The following MTMR3 variants were observed in gnomAD, a reference collection of about 807,000 sequenced individuals.
MTMR3 encodes the protein phosphatidylinositol-3,5-bisphosphate 3-phosphatase MTMR3.
In MTMR3, 32 loss-of-function variants were observed where a neutral mutation model predicts 132.4. The observed-to-expected ratio is 0.24, with a 90% CI of 0.18 to 0.32. The LOEUF (loss-of-function observed/expected upper bound fraction) is 0.32. MTMR3 is among the 10% of genes least tolerant of loss of function. The probability of loss-of-function intolerance (pLI) is 1.00; values close to 1 mark genes in which losing one functional copy is unlikely to be tolerated. For synonymous variants in MTMR3, 556 were observed against 550.3 expected (o/e 1.01, Z -0.14); for missense variants, 1,216 against 1,489.6 (o/e 0.82, Z 3.02).
chr22:29,914,228 A>T (rs1322983287), intron 1 of MTMR3, among the ~76,000 whole-genome samples: 1 of 152,224 alleles, frequency 6.6e-6, no homozygotes, highest in Non-Finnish European at 1.5e-5. Context: ...CTGGCAATGC[A>T]TGAGAATTCC....
At chr22:29,986,642 C>A (rs2066863005) in intron 5 of MTMR3, 9 of 935,118 alleles carry the variant, frequency 9.6e-6, no homozygotes, top group Non-Finnish European at 1.1e-5. Flanking sequence ...AGAACACAGG[C>A]AAGATTTTTC....
intron 1 of MTMR3, among the ~76,000 whole-genome samples, chr22:29,913,563 T>TA (rs1489922793): frequency 6.6e-6 from 1 of 152,210 alleles, no homozygotes; most frequent in African/African-American, 2.4e-5. Flanking sequence ...AATGAAATCA[T>TA]ACAGGATATA....
chr22:29,988,622 G>A (rs2066902254), intron 6 of MTMR3, 60 bp downstream of exon 6: 2 of 1,297,294 alleles, frequency 1.5e-6, no homozygotes, highest in African/African-American at 3.0e-5. Context: ...TTAAAGAATG[G>A]GTCCATTATT....
intron 2 of MTMR3, among the ~76,000 whole-genome samples, chr22:29,960,107 A>C (rs151050012): frequency 9.9e-5 from 15 of 152,208 alleles, no homozygotes; most frequent in Non-Finnish European, 1.5e-4. Context: ...TTTGAAGAGA[A>C]AGATGTAAAT....
intron 1 of MTMR3, among the ~76,000 whole-genome samples, chr22:29,886,872 G>A (rs2064687954): frequency 6.6e-6 from 1 of 152,148 alleles, no homozygotes; most frequent in South Asian, 2.1e-4. Flanking sequence ...CTTGAGAATG[G>A]TTTGGGGGGA....
At chr22:29,888,139 C>A (rs1268930254) in intron 1 of MTMR3, among the ~76,000 whole-genome samples, 1 of 151,706 alleles carries the variant, frequency 6.6e-6, no homozygotes, top group Non-Finnish European at 1.5e-5. Flanking sequence ...ACTTTTGTTT[C>A]TTTTTAAAAG....
intron 1 of MTMR3, among the ~76,000 whole-genome samples, chr22:29,941,146 G>A (rs2065850094): frequency 7.1e-6 from 1 of 140,062 alleles, no homozygotes; most frequent in Admixed American, 6.8e-5. Context: ...TGAACTTCAT[G>A]TAAATGGAAT....
At chr22:29,954,567 C>G (rs528403980) in intron 1 of MTMR3, among the ~76,000 whole-genome samples, 2 of 152,210 alleles carry the variant, frequency 1.3e-5, no homozygotes, top group South Asian at 4.1e-4. Context: ...TTGAATCTCT[C>G]GTTTGGTCCA....
chr22:30,009,123 C>T lies in MTMR3; in HGVS notation c.1115C>T (p.Pro372Leu), dbSNP rs144254961. 42 of 1,601,622 alleles carry T rather than the reference C, an allele frequency of 2.6e-5. No individual in the cohort carries two copies. Among genetic ancestry groups the T allele is most frequent in the Admixed American group, 6.7e-5 (4 of 59,970 alleles). Residue 372 changes from proline to leucine, a missense_variant, in exon 12 of 20, where the codon CCG (proline) becomes CTG (leucine). By Grantham distance (98) the Pro-to-Leu change is moderately conservative. This residue lies in a region of MTMR3 where 106 missense variants were observed against 209.5 expected (regional missense o/e 0.51). Transcript: ENST00000401950. ...LRLLCTQMPD[P>L]GNWLSALEST... ...TTGCTGTGCACTCAGATGCCAGATC[C>T]GGGAAAGTAAGTCCTTGGCCTTGGC...
At chr22:29,946,051 GT>G (rs1443825841) in intron 1 of MTMR3, among the ~76,000 whole-genome samples, 2 of 147,338 alleles carry the variant, frequency 1.4e-5, no homozygotes, top group African/African-American at 5.2e-5. Context: ...GGTAATCAAG[GT>G]ATAATTAAAT....
intron 2 of MTMR3, among the ~76,000 whole-genome samples, chr22:29,969,652 TC>T (rs1000498655): frequency 1.6e-4 from 25 of 152,066 alleles, no homozygotes; most frequent in African/African-American, 5.8e-4. Flanking sequence ...TGTCTTAGCC[TC>T]CCGAGTAGCT....
chr22:29,886,054 C>T (rs117175565), intron 1 of MTMR3, among the ~76,000 whole-genome samples: 3,696 of 152,232 alleles, frequency 0.024, 61 homozygotes, highest in Non-Finnish European at 0.032. Context: ...CCTGGTGTCC[C>T]CAGTATCCAG....
intron 5 of MTMR3, chr22:29,982,799 G>A (rs1050928152): frequency 2.0e-5 from 3 of 152,184 alleles, no homozygotes; most frequent in East Asian, 1.9e-4. Context: ...TAGAGTTTAT[G>A]TGTAGCATTT....
chr22:30,003,784 T>G (rs1165390067), intron 9 of MTMR3: 2 of 152,216 alleles, frequency 1.3e-5, no homozygotes, highest in African/African-American at 2.4e-5. Flanking sequence ...TCATTGAATA[T>G]CTTAGTTCTC....
At chr22:29,945,941 C>A (rs935109422) in intron 1 of MTMR3, among the ~76,000 whole-genome samples, 1 of 151,790 alleles carries the variant, frequency 6.6e-6, no homozygotes, top group African/African-American at 2.4e-5. Flanking sequence ...TGAAGGACTA[C>A]GACAGGGAGT....
chr22:29,975,387 A>G (rs1179047844), intron 3 of MTMR3, among the ~76,000 whole-genome samples: 7 of 152,192 alleles, frequency 4.6e-5, no homozygotes, highest in Admixed American at 4.6e-4. Context: ...CATTTTTGCA[A>G]ATCTCTTTAA....
Position 29,957,456 on chromosome 22 carries a change from T to G in MTMR3, c.-85+368T>G, listed in dbSNP as rs538980110. 5.4e-3 allele frequency among the ~76,000 whole-genome samples: 728 copies of G among 134,158 alleles called. 7 individuals carry two copies. The highest frequency in any genetic ancestry group is 0.017 in the African/African-American group (645 of 37,514). 88.0% of individuals were successfully genotyped at this position (134,158 alleles called of 152,430 possible). Reference sequence around the variant, plus strand: ...TTATTTATTTATTTATTTATTTATTTATTGATATATTTTTTGAGACAGTCT... The same window carrying G: ...TTATTTATTTATTTATTTATTTATTGATTGATATATTTTTTGAGACAGTCT... On this transcript the variant is annotated intron_variant, in intron 2 of 19. Coordinates refer to ENST00000401950, the MANE Select transcript of MTMR3 (RefSeq NM_021090.4).
intron 15 of MTMR3, chr22:30,017,722 G>A: frequency 1.9e-6 from 1 of 522,210 alleles, no homozygotes; most frequent in Non-Finnish European, 3.3e-6. Flanking sequence ...GTGGCTCTTA[G>A]GTGAAAAATG....
chr22:29,894,155 A>T (rs1568992996), intron 1 of MTMR3, among the ~76,000 whole-genome samples: 2 of 152,118 alleles, frequency 1.3e-5, no homozygotes, highest in Non-Finnish European at 2.9e-5. Flanking sequence ...AAAAACTGCT[A>T]TTTTAAAGTC....
Sources: gnomAD v4.1 joint callset for allele counts (sites outside exome capture counted in the v4.1 genomes callset) on GRCh38, gnomAD v4.1.1 for gene constraint, gnomAD v4.1.1 regional missense constraint, MANE v1.5 for transcripts, NCBI Gene and HGNC (gene_info 2026-07-23, HGNC 2026-07-21) for gene names.